ADAM12: variants seen among roughly 807,000 people sequenced by gnomAD.
ADAM12 encodes ADAM metallopeptidase domain 12.
In ADAM12, 70 loss-of-function variants were observed where a neutral mutation model predicts 106.4. That is an observed-to-expected ratio of 0.66 (90% CI 0.54 to 0.80). The LOEUF is 0.80. Ranked by LOEUF, ADAM12 falls within the 30% of genes least tolerant of loss-of-function variation. The pLI, the probability that ADAM12 is intolerant of heterozygous loss-of-function variation, is 0.00. For missense variants in ADAM12, 1,010 were observed against 1,171.9 expected, an observed-to-expected ratio of 0.86 and a Z score of 2.02; for synonymous variants, 420 against 433.5, an observed-to-expected ratio of 0.97 and a Z score of 0.39.
intron 1 of ADAM12, among the ~76,000 whole-genome samples, chr10:126,337,753 G>T (rs1854759856): frequency 6.6e-6 from 1 of 152,118 alleles, no homozygotes; most frequent in Non-Finnish European, 1.5e-5. Flanking sequence ...TTTGGTTTAG[G>T]TTGTTTTTTT....
At chr10:126,205,882 T>C (rs576711294) in intron 3 of ADAM12, among the ~76,000 whole-genome samples, 60 of 152,356 alleles carry the variant, frequency 3.9e-4, no homozygotes, top group African/African-American at 1.3e-3. Flanking sequence ...AGTCTGGTCA[T>C]ATGATTTATT....
At chr10:126,355,318 A>C (rs1172143685) in intron 1 of ADAM12, among the ~76,000 whole-genome samples, 2 of 152,254 alleles carry the variant, frequency 1.3e-5, no homozygotes, top group African/African-American at 4.8e-5. Flanking sequence ...TACATATCTA[A>C]ATCTCCGACA....
intron 3 of ADAM12, among the ~76,000 whole-genome samples, chr10:126,225,479 C>A (rs1400296791): frequency 6.6e-6 from 1 of 152,160 alleles, no homozygotes; most frequent in African/African-American, 2.4e-5. Flanking sequence ...CCAGAGCTTC[C>A]GTCATCCATG....
intron 21 of ADAM12, among the ~76,000 whole-genome samples, chr10:126,029,175 A>G (rs1386566074): frequency 1.3e-5 from 2 of 152,214 alleles, no homozygotes; most frequent in Admixed American, 6.5e-5. Flanking sequence ...ACCATTGTGG[A>G]AGACAGTGTG....
chr10:126,280,086 A>G (rs1415410669), intron 2 of ADAM12, among the ~76,000 whole-genome samples: 2 of 152,220 alleles, frequency 1.3e-5, no homozygotes, highest in African/African-American at 4.8e-5. Flanking sequence ...CAGCTATACC[A>G]TGACTTAACT....
At chr10:126,161,767 G>A (rs1420095585) in intron 3 of ADAM12, among the ~76,000 whole-genome samples, 3 of 152,154 alleles carry the variant, frequency 2.0e-5, no homozygotes, top group African/African-American at 7.2e-5. Flanking sequence ...AACTAAGGGG[G>A]GTGGATGGAC....
Position 126,046,072 on chromosome 10 carries a change from GCA to G in ADAM12, c.1976_1977del (p.Met659ThrfsTer26). On this transcript the variant is annotated frameshift_variant, in exon 17 of 23. Transcript: ENST00000448723. LOFTEE classifies it high-confidence loss of function. The stretch of plus-strand genomic sequence containing the variant: ...CTACTCACCCCTCTGCCGTGGCACT[GCA>G]TTGCACACTCGTGAACCCCAAAGAC... ...ISVFGVHECA[M>X]QCHGRGVCNN... 6.2e-7 allele frequency: 1 copy of G among 1,614,096 alleles called. No homozygotes were observed. Among genetic ancestry groups the G allele is most frequent in the Non-Finnish European group, 8.5e-7 (1 of 1,179,982 alleles).
intron 8 of ADAM12, among the ~76,000 whole-genome samples, chr10:126,108,216 G>GAT (rs1955809300): frequency 1.3e-5 from 2 of 152,220 alleles, no homozygotes; most frequent in African/African-American, 2.4e-5. Context: ...CAGATTGAAG[G>GAT]GGCCTGTGGG....
intron 1 of ADAM12, among the ~76,000 whole-genome samples, chr10:126,352,312 C>T (rs1855391182): frequency 6.6e-6 from 1 of 152,144 alleles, no homozygotes; most frequent in Non-Finnish European, 1.5e-5. Context: ...TGTTTTCCTT[C>T]AATTTATCTT....
intron 1 of ADAM12, among the ~76,000 whole-genome samples, chr10:126,360,576 T>G (rs988233120): frequency 2.0e-5 from 3 of 152,216 alleles, no homozygotes; most frequent in Non-Finnish European, 4.4e-5. Flanking sequence ...CTCTAGTTCC[T>G]AAAAAGTTCC....
At position 126,036,710 on chromosome 10, in the gene ADAM12, G is replaced by A. The variant is rs1954066633; in HGVS notation, c.2350-385C>T. 2.0e-5 allele frequency among the ~76,000 whole-genome samples: 3 copies of A among 152,142 alleles called. No homozygotes were observed. In the South Asian group the frequency reaches 6.2e-4, roughly 32 times the overall value. On this transcript the variant is annotated intron_variant, in intron 20 of 22. Transcript: ENST00000448723. ...CAGCTTAATGTGTTCAAGGCTCAAT[G>A]AGAACTGAGAAAACCACTGGGGAAA...
At chr10:126,143,038 GTA>G (rs1225971154) in intron 4 of ADAM12, among the ~76,000 whole-genome samples, 13 of 133,814 alleles carry the variant, frequency 9.7e-5, no homozygotes, top group Non-Finnish European at 2.2e-4. Flanking sequence ...GTATATATAT[GTA>G]TGTGTGTATA....
chr10:126,331,828 C>T (rs1484764335), intron 1 of ADAM12, among the ~76,000 whole-genome samples: 1 of 152,110 alleles, frequency 6.6e-6, no homozygotes, highest in African/African-American at 2.4e-5. Flanking sequence ...AGGGTTCTGG[C>T]AGAGCAAGTG....
chr10:126,105,159 T>G (rs1955741333), intron 8 of ADAM12, among the ~76,000 whole-genome samples: 1 of 152,198 alleles, frequency 6.6e-6, no homozygotes, highest in Admixed American at 6.5e-5. Context: ...CGGAGTCCGT[T>G]AGGACTTTTC....
At chr10:126,136,131 G>T (rs9422948) in intron 4 of ADAM12, among the ~76,000 whole-genome samples, 10 of 120,174 alleles carry the variant, frequency 8.3e-5, no homozygotes, top group Admixed American at 7.1e-4. Flanking sequence ...AAGAAGGAAG[G>T]AGGGGACCTC....
At chr10:126,023,831 G>T (rs1953815604) in intron 21 of ADAM12, among the ~76,000 whole-genome samples, 1 of 151,526 alleles carries the variant, frequency 6.6e-6, no homozygotes. Flanking sequence ...CCTGGCAGAG[G>T]CAAAATAGCC....
intron 3 of ADAM12, among the ~76,000 whole-genome samples, chr10:126,236,361 G>T (rs534974283): frequency 1.3e-5 from 2 of 152,302 alleles, no homozygotes; most frequent in African/African-American, 4.8e-5. Context: ...GGAAGCCCCC[G>T]GGATAAGTGG....
At chr10:126,238,601 C>T (rs1283485655) in intron 3 of ADAM12, among the ~76,000 whole-genome samples, 1 of 152,072 alleles carries the variant, frequency 6.6e-6, no homozygotes, top group Non-Finnish European at 1.5e-5. Context: ...TGCGTACTTT[C>T]AATATACAAA....
intron 1 of ADAM12, among the ~76,000 whole-genome samples, chr10:126,359,982 T>C (rs1855685942): frequency 6.6e-6 from 1 of 152,250 alleles, no homozygotes; most frequent in Non-Finnish European, 1.5e-5. Context: ...TCTTGACTTC[T>C]GTGTACCCAC....
Sources: gnomAD v4.1 joint callset for allele counts (sites outside exome capture counted in the v4.1 genomes callset) on GRCh38, gnomAD v4.1.1 for gene constraint, MANE v1.5 for transcripts, NCBI Gene and HGNC (gene_info 2026-07-23, HGNC 2026-07-21) for gene names.